COBLL1: variants seen among roughly 807,000 people sequenced by gnomAD.
COBLL1 encodes cordon-bleu protein-like 1.
Under a neutral mutation model 94.8 loss-of-function variants are expected in COBLL1, and 50 were observed. The ratio of observed to expected loss-of-function variants is 0.53; its 90% CI spans 0.42 to 0.67. The LOEUF (loss-of-function observed/expected upper bound fraction) is 0.67, where lower values mean the gene tolerates loss of function less well. Among genes scored for constraint, COBLL1 ranks in the 30% least tolerant of loss-of-function variants. The pLI, the probability that COBLL1 is intolerant of heterozygous loss-of-function variation, is 0.00. For missense variants in COBLL1, 1,362 were observed against 1,348.7 expected, an observed-to-expected ratio of 1.01 and a Z score of -0.15; for synonymous variants, 448 against 473.8, an observed-to-expected ratio of 0.95 and a Z score of 0.71.
chr2:164,842,051 G>T (rs1393293724), upstream of COBLL1: 3 of 1,528,524 alleles, frequency 2.0e-6, no homozygotes, highest in South Asian at 3.6e-5. Flanking sequence ...GCATTGGAGC[G>T]AGGGAAGCAG....
intron 2 of COBLL1, among the ~76,000 whole-genome samples, chr2:164,832,337 T>TA (rs1298558010): frequency 6.6e-6 from 1 of 152,240 alleles, no homozygotes; most frequent in Non-Finnish European, 1.5e-5. Flanking sequence ...TATACCAGAA[T>TA]ACCTACCAAT....
chr2:164,827,079 T>C (rs1685470972), intron 2 of COBLL1, among the ~76,000 whole-genome samples: 1 of 151,720 alleles, frequency 6.6e-6, no homozygotes, highest in African/African-American at 2.4e-5. Flanking sequence ...GCCTCCAGAG[T>C]AGCTGAGATT....
chr2:164,698,232 T>C (rs1384357678), intron 11 of COBLL1: 2 of 151,884 alleles, frequency 1.3e-5, no homozygotes, highest in Non-Finnish European at 2.9e-5. Flanking sequence ...TCACAGTACA[T>C]GCTGTGAAAA....
rs1574579068 is a variant in COBLL1 at position 164,782,775 on chromosome 2, A to G, written c.42-38900T>C. Among the ~76,000 whole-genome samples the G allele has an allele frequency of 2.0e-5, 3 of 152,332 alleles. No homozygotes were observed. The South Asian group carries it at 6.2e-4, about 32-fold the overall frequency. ...TCTGGTCAAAGATTTATACTTCATAATAGCAACTGAAATATAAAAATAACA... is the reference window on the plus strand; with the variant it reads ...TCTGGTCAAAGATTTATACTTCATAGTAGCAACTGAAATATAAAAATAACA... On this transcript the variant is annotated intron_variant, in intron 2 of 13. Transcript: ENST00000652658.
chr2:164,661,588 C>T (rs1229228400), intron 2 of COBLL1, among the ~76,000 whole-genome samples: 1 of 152,072 alleles, frequency 6.6e-6, no homozygotes, highest in African/African-American at 2.4e-5. Flanking sequence ...ACTGTTGATT[C>T]ATGTGGAAAT....
intron 2 of COBLL1, among the ~76,000 whole-genome samples, chr2:164,795,716 C>T (rs906941859): frequency 2.0e-5 from 3 of 152,056 alleles, no homozygotes; most frequent in Admixed American, 6.6e-5. Flanking sequence ...ATAATACATC[C>T]GTAGTCTTAG....
chr2:164,686,314 C>T (rs1300976636), intron 13 of COBLL1, among the ~76,000 whole-genome samples: 1 of 152,060 alleles, frequency 6.6e-6, no homozygotes, highest in Non-Finnish European at 1.5e-5. Context: ...AAACAGACTG[C>T]AAACCAAGCT....
chr2:164,710,566 CTTTTT>C lies in COBLL1; in HGVS notation c.997-5466_997-5462del, dbSNP rs11307875. On this transcript the variant is annotated intron_variant, in intron 7 of 13. Transcript: ENST00000652658. ...CCACTGATCCCTAAGCAGCAGCATT[CTTTTT>C]TTTTTTTTTTGGAGACGGAGTTTCG... Among the ~76,000 whole-genome samples the C allele has an allele frequency of 1.5e-3, 214 of 142,280 alleles. 1 individual carries two copies. Among genetic ancestry groups the C allele is most frequent in the African/African-American group, 5.4e-3 (206 of 38,066 alleles). The allele number at this position is 142,280 out of a possible 152,430, so 93.3% of individuals were successfully genotyped here.
chr2:164,671,609 T>C (rs975147575), intron 1 of COBLL1, among the ~76,000 whole-genome samples: 2 of 152,216 alleles, frequency 1.3e-5, no homozygotes, highest in Non-Finnish European at 2.9e-5. Context: ...TTATTTTCGA[T>C]ATCTGTCAAC....
intron 2 of COBLL1, among the ~76,000 whole-genome samples, chr2:164,790,144 C>A (rs78440683): frequency 1.3e-5 from 2 of 152,204 alleles, no homozygotes; most frequent in African/African-American, 2.4e-5. Flanking sequence ...TTTGCACTTA[C>A]GCCTCATGTC....
At chr2:164,753,739 A>T (rs1254444397) in intron 2 of COBLL1, among the ~76,000 whole-genome samples, 3 of 138,616 alleles carry the variant, frequency 2.2e-5, no homozygotes, top group Non-Finnish European at 4.7e-5. Flanking sequence ...GAGTATGGGA[A>T]TTTTTTTTTT....
intron 2 of COBLL1, among the ~76,000 whole-genome samples, chr2:164,832,621 T>C (rs1289381972): frequency 2.6e-5 from 4 of 152,216 alleles, no homozygotes; most frequent in Admixed American, 2.6e-4. Context: ...TTTACACCTT[T>C]ATGTACAAAG....
intron 7 of COBLL1, among the ~76,000 whole-genome samples, chr2:164,708,657 G>A (rs535402929): frequency 6.2e-4 from 95 of 152,306 alleles, no homozygotes; most frequent in Non-Finnish European, 1.0e-3. Flanking sequence ...AGCAGTAGAA[G>A]ATGTGATTTT....
intron 2 of COBLL1, among the ~76,000 whole-genome samples, chr2:164,774,763 C>T (rs953085602): frequency 2.0e-5 from 3 of 149,142 alleles, no homozygotes; most frequent in African/African-American, 5.0e-5. Flanking sequence ...GAGTCTAGAG[C>T]GTTAATGCAT....
chr2:164,735,405 T>C (rs1051375872), intron 3 of COBLL1, among the ~76,000 whole-genome samples: 4 of 152,186 alleles, frequency 2.6e-5, no homozygotes, highest in African/African-American at 7.2e-5. Context: ...AAACATTAAA[T>C]AGGGTTAAGA....
At chr2:164,666,438 A>G (rs561289324) in intron 1 of COBLL1, among the ~76,000 whole-genome samples, 5 of 152,188 alleles carry the variant, frequency 3.3e-5, no homozygotes, top group Non-Finnish European at 1.5e-5. Context: ...GTCTTGCCTC[A>G]ATGTTGATGG....
chr2:164,820,855 C>T (rs1218672865), intron 2 of COBLL1, among the ~76,000 whole-genome samples: 1 of 152,032 alleles, frequency 6.6e-6, no homozygotes, highest in Non-Finnish European at 1.5e-5. Context: ...AATAATCTGC[C>T]TTGTTTCAGA....
chr2:164,736,942 A>C (rs1686340139), intron 3 of COBLL1, among the ~76,000 whole-genome samples: 1 of 152,202 alleles, frequency 6.6e-6, no homozygotes, highest in African/African-American at 2.4e-5. Context: ...TTTTTGGCTT[A>C]TCTGTATTTT....
At chr2:164,660,892 A>G (rs1233630200) in intron 2 of COBLL1, among the ~76,000 whole-genome samples, 1 of 152,144 alleles carries the variant, frequency 6.6e-6, no homozygotes, top group Non-Finnish European at 1.5e-5. Context: ...AGTGATTTAA[A>G]CCCTAATGGG....
Sources: gnomAD v4.1 joint callset for allele counts (sites outside exome capture counted in the v4.1 genomes callset) on GRCh38, gnomAD v4.1.1 for gene constraint, MANE v1.5 for transcripts, NCBI Gene and HGNC (gene_info 2026-07-23, HGNC 2026-07-21) for gene names.